AGMO: variants seen among roughly 807,000 people sequenced by gnomAD.
The protein encoded by AGMO is glyceryl-ether monooxygenase.
A neutral mutation model predicts 60.2 loss-of-function variants in AGMO; 75 were observed. The ratio of observed to expected loss-of-function variants is 1.25; its 90% CI spans 1.03 to 1.51. The LOEUF (loss-of-function observed/expected upper bound fraction) is 1.51. Ranked by LOEUF, AGMO falls within the 40% of genes most tolerant of loss-of-function variation. AGMO has a pLI of 0.00. For missense variants in AGMO, 763 were observed against 525.5 expected (o/e 1.45, Z -4.42); for synonymous variants, 261 against 177.1 (o/e 1.47, Z -3.76).
chr7:15,271,413 T>C (rs1374887479), intron 12 of AGMO, among the ~76,000 whole-genome samples: 1 of 152,190 alleles, frequency 6.6e-6, no homozygotes, highest in Non-Finnish European at 1.5e-5. Context: ...CTAGGTATTT[T>C]ATTTTTGAGA....
At chr7:15,300,433 G>A (rs1034441594) in intron 12 of AGMO, among the ~76,000 whole-genome samples, 1 of 152,034 alleles carries the variant, frequency 6.6e-6, no homozygotes, top group Non-Finnish European at 1.5e-5. Context: ...TATCACAGTT[G>A]TACTGACATC....
intron 12 of AGMO, among the ~76,000 whole-genome samples, chr7:15,363,163 G>C (rs981293720): frequency 6.6e-6 from 1 of 152,184 alleles, no homozygotes; most frequent in African/African-American, 2.4e-5. Context: ...GAGGCACAGA[G>C]TCCAAAGTCA....
intron 12 of AGMO, among the ~76,000 whole-genome samples, chr7:15,214,186 G>T (rs1781671357): frequency 6.6e-6 from 1 of 151,870 alleles, no homozygotes; most frequent in South Asian, 2.1e-4. Context: ...AATCCACGGG[G>T]AATTTGTAAC....
chr7:15,207,448 A>G (rs1194315290), intron 12 of AGMO, among the ~76,000 whole-genome samples: 4 of 152,212 alleles, frequency 2.6e-5, no homozygotes, highest in African/African-American at 9.6e-5. Flanking sequence ...TTGTCTTTGA[A>G]TAACTACTAG....
At chr7:15,319,031 A>C (rs114011358) in intron 12 of AGMO, among the ~76,000 whole-genome samples, 2,238 of 152,158 alleles carry the variant, frequency 0.015, 48 homozygotes, top group African/African-American at 0.052. Flanking sequence ...GATTATTGCC[A>C]AACTCTTTCA....
intron 12 of AGMO, among the ~76,000 whole-genome samples, chr7:15,282,768 C>T (rs1053497646): frequency 5.3e-5 from 8 of 152,088 alleles, no homozygotes; most frequent in African/African-American, 1.9e-4. Context: ...GCAAAAAGGA[C>T]ATCACCGAAG....
chr7:15,255,148 A>G lies in AGMO; in HGVS notation c.1264-53789T>C, dbSNP rs370822652. On this transcript the variant is annotated intron_variant, in intron 12 of 12. Coordinates refer to ENST00000342526, the MANE Select transcript of AGMO (RefSeq NM_001004320.2). ...CTGCATGTTCCCACTCATAAGTGGA[A>G]GCTGACCAGTGTGAACATATGGACA... is the stretch of plus-strand genomic sequence containing the variant. 1.3e-4 allele frequency among the ~76,000 whole-genome samples: 20 copies of G among 152,272 alleles called. No homozygotes were observed. In the East Asian group the frequency reaches 1.9e-3, roughly 15 times the overall value.
chr7:15,246,244 G>A (rs73279636), intron 12 of AGMO, among the ~76,000 whole-genome samples: 5,688 of 151,904 alleles, frequency 0.037, 370 homozygotes, highest in African/African-American at 0.13. Flanking sequence ...ATAAATAAGC[G>A]TTTTTTCCAA....
At position 15,218,084 on chromosome 7, in the gene AGMO, G is replaced by A. The variant is rs75575499; in HGVS notation, c.1264-16725C>T. On this transcript the variant is annotated intron_variant, in intron 12 of 12. Coordinates refer to ENST00000342526, the MANE Select transcript of AGMO (RefSeq NM_001004320.2). ...TAAATTTATCAATAAGAAAAAAGACGTATAAACGGTAATATATCCAAACAA... is the reference window on the plus strand; with the variant it reads ...TAAATTTATCAATAAGAAAAAAGACATATAAACGGTAATATATCCAAACAA... Among the ~76,000 whole-genome samples, 470 of 151,880 alleles carry A rather than the reference G, an allele frequency of 3.1e-3. 4 individuals carry two copies. The East Asian group carries it at 0.033, about 11-fold the overall frequency.
At chr7:15,482,046 C>T (rs1335992447) in intron 3 of AGMO, among the ~76,000 whole-genome samples, 1 of 151,684 alleles carries the variant, frequency 6.6e-6, no homozygotes, top group Non-Finnish European at 1.5e-5. Context: ...GTCATTTGTA[C>T]TTTTAACACA....
chr7:15,341,087 T>C (rs947544601), intron 12 of AGMO, among the ~76,000 whole-genome samples: 1 of 152,140 alleles, frequency 6.6e-6, no homozygotes. Flanking sequence ...GGAAATCATT[T>C]CAGAGCTTGA....
intron 3 of AGMO, among the ~76,000 whole-genome samples, chr7:15,499,096 AAAG>A (rs1489013763): frequency 1.3e-5 from 2 of 151,854 alleles, no homozygotes; most frequent in Non-Finnish European, 2.9e-5. Context: ...AGATCTTTTC[AAAG>A]AAGATCATTG....
chr7:15,322,585 A>T (rs868067197), intron 12 of AGMO, among the ~76,000 whole-genome samples: 43 of 28,714 alleles, frequency 1.5e-3, no homozygotes, highest in Admixed American at 2.3e-3. Flanking sequence ...AATATATATA[A>T]ATATATAAAT....
chr7:15,187,905 C>CT, the AGMO span, among the ~76,000 whole-genome samples: 1,691 of 151,940 alleles, frequency 0.011, 103 homozygotes, highest in Admixed American at 0.1. Context: ...TAACTCCCCC[C>CT]CGACTGCCCA....
intron 12 of AGMO, among the ~76,000 whole-genome samples, chr7:15,269,046 T>G (rs1056682569): frequency 6.6e-6 from 1 of 152,020 alleles, no homozygotes; most frequent in Non-Finnish European, 1.5e-5. Context: ...GAACAGATAA[T>G]AAAGAATTTT....
chr7:15,291,647 C>G (rs1784267464), intron 12 of AGMO, among the ~76,000 whole-genome samples: 1 of 152,012 alleles, frequency 6.6e-6, no homozygotes, highest in Non-Finnish European at 1.5e-5. Context: ...TGCTAAGAAC[C>G]CTGCTAGGGT....
chr7:15,376,922 G>A (rs4385372), intron 10 of AGMO, among the ~76,000 whole-genome samples: 15,407 of 151,748 alleles, frequency 0.1, 911 homozygotes, highest in South Asian at 0.15. Context: ...CACCTTTGTC[G>A]TGGCCATCAA....
At chr7:15,403,344 C>T (rs1015783450) in intron 5 of AGMO, among the ~76,000 whole-genome samples, 1 of 151,880 alleles carries the variant, frequency 6.6e-6, no homozygotes, top group Non-Finnish European at 1.5e-5. Context: ...ATTTCTTCAA[C>T]TGATTATACA....
At chr7:15,289,680 A>C (rs1784201463) in intron 12 of AGMO, among the ~76,000 whole-genome samples, 1 of 152,128 alleles carries the variant, frequency 6.6e-6, no homozygotes, top group Admixed American at 6.5e-5. Flanking sequence ...CCTGGAAAAT[A>C]ACGTGTCTAA....
Sources: gnomAD v4.1 joint callset for allele counts (sites outside exome capture counted in the v4.1 genomes callset) on GRCh38, gnomAD v4.1.1 for gene constraint, MANE v1.5 for transcripts, NCBI Gene and HGNC (gene_info 2026-07-23, HGNC 2026-07-21) for gene names.